The following SYCP2L variants were observed in gnomAD, a reference collection of about 807,000 sequenced individuals.
SYCP2L encodes the protein synaptonemal complex protein 2 like, also known as synaptonemal complex protein 2-like.
Under a neutral mutation model 125.8 loss-of-function variants are expected in SYCP2L, and 98 were observed. The ratio of observed to expected loss-of-function variants is 0.78; its 90% CI spans 0.66 to 0.92. SYCP2L has a LOEUF of 0.92. Ranked by LOEUF, SYCP2L falls within the 40% of genes least tolerant of loss-of-function variation. The pLI is 0.00. For missense variants in SYCP2L, 842 were observed against 936.4 expected, an observed-to-expected ratio of 0.90 and a Z score of 1.32; for synonymous variants, 317 against 325.4, an observed-to-expected ratio of 0.97 and a Z score of 0.28.
chr6:10,951,728 GAA>G (rs1489223509), intron 23 of SYCP2L, among the ~76,000 whole-genome samples: 1 of 152,178 alleles, frequency 6.6e-6, no homozygotes, highest in Non-Finnish European at 1.5e-5. Flanking sequence ...TCTTGCTCAG[GAA>G]AGACTGTTGG....
intron 26 of SYCP2L, 125 bp from the exon 27 acceptor site, chr6:10,961,180 G>A: frequency 1.3e-6 from 1 of 744,100 alleles, no homozygotes; most frequent in South Asian, 1.8e-5. Context: ...GATACTACAT[G>A]TTCCCATGAC....
chr6:10,949,598 G>A (rs1247749444), intron 23 of SYCP2L, among the ~76,000 whole-genome samples: 1 of 151,818 alleles, frequency 6.6e-6, no homozygotes, highest in African/African-American at 2.4e-5. Context: ...TATTTTATAT[G>A]TTTTGAGGCA....
chr6:10,900,498 G>A (rs539887625), intron 6 of SYCP2L, among the ~76,000 whole-genome samples: 2 of 152,158 alleles, frequency 1.3e-5, no homozygotes, highest in Middle Eastern at 3.4e-3. Flanking sequence ...CATTACAAGC[G>A]TGTGCCACCA....
chr6:10,930,335 C>T, intron 18 of SYCP2L, 35 bp from the exon 19 acceptor site: 2 of 1,594,124 alleles, frequency 1.3e-6, no homozygotes, highest in Non-Finnish European at 1.7e-6. Flanking sequence ...ACTAACACCC[C>T]TCTAAAAATT....
Position 10,902,896 on chromosome 6 carries a change from A to T in SYCP2L, c.574A>T (p.Ile192Phe). 1 of 1,614,118 alleles carries T rather than the reference A, an allele frequency of 6.2e-7. No homozygotes were observed. The highest frequency in any genetic ancestry group is 8.5e-7 in the Non-Finnish European group (1 of 1,180,024). The part of the protein sequence containing the change: ...QQEGLKTFNC[I>F]LHAVPREERK... Reference sequence around the variant, plus strand: ...AAAGGGCTTGAAGACTTTTAACTGCATTTTGCACGCTGTCCCTCGAGAAGA... The same window carrying T: ...AAAGGGCTTGAAGACTTTTAACTGCTTTTTGCACGCTGTCCCTCGAGAAGA... Residue 192 changes from isoleucine (I) to phenylalanine (F), a missense_variant, in exon 8 of 30, where the codon ATT becomes TTT. By Grantham distance (21) the Ile-to-Phe change is conservative. Transcript: ENST00000283141.
chr6:10,932,761 A>ATTTT (rs948237138), intron 20 of SYCP2L, among the ~76,000 whole-genome samples: 2 of 150,944 alleles, frequency 1.3e-5, no homozygotes, highest in South Asian at 2.1e-4. Context: ...TTCAAAAAAA[A>ATTTT]TTTTTTTTTT....
chr6:10,896,972 G>A (rs1006819506), intron 4 of SYCP2L, among the ~76,000 whole-genome samples: 1 of 152,124 alleles, frequency 6.6e-6, no homozygotes, highest in East Asian at 1.9e-4. Flanking sequence ...AGAGTTGTTC[G>A]TCAGAAACTC....
chr6:10,954,959 T>TA lies in SYCP2L; in HGVS notation c.1955-156dup, dbSNP rs1781475356. ...GGTATCAGTAGACATCGTGCTTCGA[T>TA]ACTTGGTTTGTGCCTAGTCGATGCA... is the stretch of plus-strand genomic sequence containing the variant. On this transcript the variant is annotated intron_variant, in intron 23 of 29. Transcript: ENST00000283141. The surrounding 1 kb of genome is among the most constrained non-coding windows in gnomAD (Gnocchi z 4.8). Among the ~76,000 whole-genome samples, 1 of 152,198 alleles carries TA rather than the reference T, an allele frequency of 6.6e-6. No individual in the cohort carries two copies. Among genetic ancestry groups the TA allele is most frequent in the Non-Finnish European group, 1.5e-5 (1 of 68,040 alleles).
At chr6:10,902,132 G>A (rs1368799441) in intron 6 of SYCP2L, among the ~76,000 whole-genome samples, 1 of 152,224 alleles carries the variant, frequency 6.6e-6, no homozygotes, top group South Asian at 2.1e-4. Flanking sequence ...GAACTGATCG[G>A]TCTCACCCAA....
At chr6:10,914,855 TC>T (rs1780664656) in intron 14 of SYCP2L, among the ~76,000 whole-genome samples, 1 of 150,376 alleles carries the variant, frequency 6.6e-6, no homozygotes. Context: ...CAAGCGATTC[TC>T]CTGCCTCAGC....
chr6:10,926,767 C>T (rs530180889), intron 16 of SYCP2L, among the ~76,000 whole-genome samples: 8 of 149,762 alleles, frequency 5.3e-5, no homozygotes, highest in African/African-American at 1.9e-4. Flanking sequence ...CCCAAGTGCC[C>T]ATAGATTTCT....
In SYCP2L at chr6:10,954,356, G is replaced by T. The variant is rs1357343415; in HGVS notation, c.1955-760G>T. 6.6e-6 allele frequency among the ~76,000 whole-genome samples: 1 copy of T among 152,182 alleles called. No individual in the cohort carries two copies. The highest frequency in any genetic ancestry group is 2.4e-5 in the African/African-American group (1 of 41,446). On this transcript the variant is annotated intron_variant, in intron 23 of 29. Transcript: ENST00000283141. The surrounding 1 kb of genome is among the most constrained non-coding windows in gnomAD (Gnocchi z 4.8). The stretch of plus-strand genomic sequence containing the variant: ...AGAGATTTGGAAGTGACAATTGAAG[G>T]TGAAGGATTGACGATTTCCTCTAGG...
chr6:10,922,510 G>C (rs1780816634), intron 14 of SYCP2L, among the ~76,000 whole-genome samples: 3 of 149,652 alleles, frequency 2.0e-5, no homozygotes, highest in African/African-American at 7.4e-5. Flanking sequence ...CTGTCGTCCA[G>C]GCTGGAGTGC....
In SYCP2L at chr6:10,941,069, T is replaced by TTTA. The variant is rs976762595; in HGVS notation, c.1814-1390_1814-1389insTTA. The stretch of plus-strand genomic sequence containing the variant: ...AATGGGGAAAGGATTCCCTATTTAA[T>TTTA]AAGTGGTGCTGGGAAAATCGTCTAG... On this transcript the variant is annotated intron_variant, in intron 21 of 29. Transcript: ENST00000283141. Among the ~76,000 whole-genome samples the TTTA allele has an allele frequency of 2.0e-5, 3 of 152,192 alleles. No individual in the cohort carries two copies. The East Asian group carries it at 5.8e-4, about 29-fold the overall frequency.
intron 20 of SYCP2L, 116 bp downstream of exon 20, chr6:10,931,605 A>C: frequency 1.1e-6 from 1 of 938,146 alleles, no homozygotes; most frequent in Non-Finnish European, 1.7e-6. Context: ...TGATATGTGA[A>C]TCACCGCCAA....
chr6:10,957,931 C>A (rs1184904663), intron 25 of SYCP2L, among the ~76,000 whole-genome samples: 1 of 152,202 alleles, frequency 6.6e-6, no homozygotes, highest in East Asian at 1.9e-4. Flanking sequence ...ATCCCAAAAT[C>A]TTGTCTACAA....
At chr6:10,965,880 A>G (rs770834767) in intron 29 of SYCP2L, among the ~76,000 whole-genome samples, 1 of 152,204 alleles carries the variant, frequency 6.6e-6, no homozygotes, top group Non-Finnish European at 1.5e-5. Context: ...TGGGAGGCCA[A>G]GGCGGGTGAA....
rs1199387895 is a variant in SYCP2L at position 10,898,716 on chromosome 6, A to C, written c.442-108A>C. On this transcript the variant is annotated intron_variant, in intron 5 of 29. Transcript: ENST00000283141. The stretch of plus-strand genomic sequence containing the variant: ...TTCTCTAAAATGCTTTTCTTCTGTA[A>C]AGTCAATGCCTGCCTGTTAGAGAAA... 4 of 789,148 alleles carry C rather than the reference A, an allele frequency of 5.1e-6. No homozygotes were observed. In the African/African-American group the frequency reaches 7.0e-5, roughly 14 times the overall value. The allele number at this position is 789,148 out of a possible 1,614,324, so 48.9% of individuals were successfully genotyped here.
rs191140430 is a variant in SYCP2L at position 10,907,700 on chromosome 6, A to G, written c.819+16A>G. 6.2e-7 allele frequency: 1 copy of G among 1,610,292 alleles called. No homozygotes were observed. Among genetic ancestry groups the G allele is most frequent in the African/African-American group, 1.3e-5 (1 of 74,804 alleles). On this transcript the variant is annotated intron_variant, in intron 10 of 29. Coordinates refer to ENST00000283141, the MANE Select transcript of SYCP2L (RefSeq NM_001040274.3). ...ATTTGAGACGGTGAGATTCCTGGCC[A>G]TGCGAATTTCTTATTAGCCAATATT...
Sources: gnomAD v4.1 joint callset for allele counts (sites outside exome capture counted in the v4.1 genomes callset) on GRCh38, gnomAD v4.1.1 for gene constraint, Gnocchi (gnomAD v3.1) non-coding constraint, MANE v1.5 for transcripts, NCBI Gene and HGNC (gene_info 2026-07-23, HGNC 2026-07-21) for gene names.